Variants in OSBP2 observed in about 807,000 individuals in gnomAD.
The protein encoded by OSBP2 is oxysterol-binding protein 2.
A neutral mutation model predicts 96.0 loss-of-function variants in OSBP2; 66 were observed. The observed-to-expected ratio is 0.69, with a 90% CI of 0.56 to 0.84. The LOEUF (loss-of-function observed/expected upper bound fraction) is 0.84, where lower values mean the gene tolerates loss of function less well. Ranked by LOEUF, OSBP2 falls within the 40% of genes least tolerant of loss-of-function variation. The probability of loss-of-function intolerance (pLI) is 0.00; values close to 1 mark genes in which losing one functional copy is unlikely to be tolerated. For synonymous variants in OSBP2, 525 were observed against 520.9 expected, an observed-to-expected ratio of 1.01 and a Z score of -0.11; for missense variants, 1,038 against 1,222.7, an observed-to-expected ratio of 0.85 and a Z score of 2.25.
In OSBP2 at chr22:30,747,014, A is replaced by G. The variant is rs1028546884; in HGVS notation, c.853+5645A>G. On this transcript the variant is annotated intron_variant, in intron 2 of 13. Transcript: ENST00000332585. ...CCAGGAGTGGAAGGGTAGTTCAACA[A>G]CAACCAAAAAACAAACAATGTAGTA... 3.3e-5 allele frequency among the ~76,000 whole-genome samples: 5 copies of G among 152,356 alleles called. No homozygotes were observed. In the South Asian group the frequency reaches 1.0e-3, roughly 32 times the overall value.
intron 2 of OSBP2, among the ~76,000 whole-genome samples, chr22:30,783,302 CTTTTTTTTTTTT>C (rs35470453): frequency 1.4e-4 from 5 of 34,708 alleles, no homozygotes; most frequent in East Asian, 1.6e-3. Flanking sequence ...ATTCAGAGAG[CTTTTTTTTTTTT>C]TTTTTTTTTT....
intron 12 of OSBP2, among the ~76,000 whole-genome samples, chr22:30,900,581 A>G (rs1209519645): frequency 1.3e-5 from 2 of 152,074 alleles, no homozygotes; most frequent in Non-Finnish European, 2.9e-5. Flanking sequence ...CAGGATTTTT[A>G]TTTTGAAACT....
intron 12 of OSBP2, chr22:30,894,215 GT>G: frequency 1.8e-6 from 1 of 559,826 alleles, no homozygotes; most frequent in Admixed American, 3.2e-5. Flanking sequence ...TTTAAGCGAG[GT>G]GATAGGACAG....
intron 1 of OSBP2, among the ~76,000 whole-genome samples, chr22:30,735,681 A>T (rs989384558): frequency 6.6e-6 from 1 of 151,628 alleles, no homozygotes; most frequent in Non-Finnish European, 1.5e-5. Flanking sequence ...AATACTTTTC[A>T]TATTATTATG....
chr22:30,874,786 C>T (rs1020619654), intron 3 of OSBP2, among the ~76,000 whole-genome samples: 11 of 152,242 alleles, frequency 7.2e-5, no homozygotes, highest in Admixed American at 3.3e-4. Flanking sequence ...CCCTTCCTCA[C>T]CCTTCAGGTA....
chr22:30,792,833 T>C (rs2090695853), intron 2 of OSBP2, among the ~76,000 whole-genome samples: 1 of 152,154 alleles, frequency 6.6e-6, no homozygotes, highest in Admixed American at 6.5e-5. Context: ...AGCCTAACAC[T>C]GGGGAGGTGG....
intron 1 of OSBP2, among the ~76,000 whole-genome samples, chr22:30,724,447 C>G (rs1389422361): frequency 2.6e-5 from 4 of 152,176 alleles, no homozygotes; most frequent in Non-Finnish European, 5.9e-5. Flanking sequence ...TCTCCAACTC[C>G]TGACCTTAGG....
At chr22:30,876,691 G>A (rs1028260912) in intron 3 of OSBP2, among the ~76,000 whole-genome samples, 2 of 152,150 alleles carry the variant, frequency 1.3e-5, no homozygotes, top group Admixed American at 6.5e-5. Flanking sequence ...CCTGCCAGTG[G>A]GGAGCCAGGA....
chr22:30,755,631 C>T (rs2090131010), intron 2 of OSBP2, among the ~76,000 whole-genome samples: 1 of 152,126 alleles, frequency 6.6e-6, no homozygotes, highest in Admixed American at 6.5e-5. Flanking sequence ...GTTGAGTCAA[C>T]CAGGGCTGGC....
chr22:30,729,640 A>AATAT (rs111442392), intron 1 of OSBP2, among the ~76,000 whole-genome samples: 1 of 151,250 alleles, frequency 6.6e-6, no homozygotes, highest in Non-Finnish European at 1.5e-5. Flanking sequence ...TCTATCTCAA[A>AATAT]ATATATATAT....
At chr22:30,894,087 G>A (rs1248769169) in intron 12 of OSBP2, 86 bp downstream of exon 12, 8 of 1,229,082 alleles carry the variant, frequency 6.5e-6, no homozygotes, top group Non-Finnish European at 9.1e-6. Context: ...GGCACAGGAG[G>A]TCGGGAGGGT....
At chr22:30,714,742 G>A (rs927331323) in intron 1 of OSBP2, among the ~76,000 whole-genome samples, 4 of 151,954 alleles carry the variant, frequency 2.6e-5, no homozygotes, top group Admixed American at 6.6e-5. Flanking sequence ...TCAGCCTCCC[G>A]AGTAGCTGGG....
intron 2 of OSBP2, among the ~76,000 whole-genome samples, chr22:30,771,865 C>G (rs1200305858): frequency 6.6e-6 from 1 of 152,236 alleles, no homozygotes; most frequent in Non-Finnish European, 1.5e-5. Flanking sequence ...CATGATCTCC[C>G]TGCTCTCCAC....
intron 2 of OSBP2, among the ~76,000 whole-genome samples, chr22:30,791,502 T>G (rs999899941): frequency 1.3e-5 from 2 of 151,182 alleles, no homozygotes; most frequent in African/African-American, 4.9e-5. Context: ...AATTTTTGTG[T>G]TTTTAGTAGA....
chr22:30,888,127 C>T, intron 4 of OSBP2, 96 bp from the exon 5 acceptor site: 2 of 807,234 alleles, frequency 2.5e-6, no homozygotes, highest in South Asian at 3.0e-5. Context: ...GGAGTGAGGC[C>T]AGATGGGGGT....
chr22:30,807,914 T>C (rs1418286443), intron 2 of OSBP2, among the ~76,000 whole-genome samples: 2 of 152,030 alleles, frequency 1.3e-5, no homozygotes, highest in African/African-American at 2.4e-5. Flanking sequence ...GCCTCCTGAG[T>C]AGCTGGGACT....
intron 1 of OSBP2, among the ~76,000 whole-genome samples, chr22:30,717,090 T>TTTTTGTGTGTGTG (rs71328866): frequency 1.0e-4 from 12 of 118,320 alleles, no homozygotes; most frequent in African/African-American, 3.8e-4. Context: ...TTTACTGTTT[T>TTTTTGTGTGTGTG]TGTGTGTGTG....
chr22:30,742,371 G>T (rs1477057616), intron 2 of OSBP2, among the ~76,000 whole-genome samples: 1 of 151,494 alleles, frequency 6.6e-6, no homozygotes, highest in Non-Finnish European at 1.5e-5. Flanking sequence ...GGCGGAGGTT[G>T]CAGTGAGCCA....
In OSBP2 at chr22:30,905,915, C is replaced by G. The variant is rs756119569; in HGVS notation, c.2454C>G (p.Thr818=). 1 of 1,612,900 alleles carries G rather than the reference C, an allele frequency of 6.2e-7. No homozygotes were observed. The highest frequency in any genetic ancestry group is 1.1e-5 in the South Asian group (1 of 91,064). ...AGCACGAGGAGGGCGTAGCGCCAACCGACAGCCGCCTGCGGCCCGACCAGC... is the reference window on the plus strand; with the variant it reads ...AGCACGAGGAGGGCGTAGCGCCAACGGACAGCCGCCTGCGGCCCGACCAGC... The part of the protein sequence containing the change: ...LNEHEEGVAP[T]DSRLRPDQRL... Residue 818 remains threonine, a synonymous_variant, in exon 13 of 14, where the codon ACC becomes ACG. Transcript: ENST00000332585.
Sources: allele counts gnomAD v4.1 joint callset (sites outside exome capture counted in the v4.1 genomes callset), GRCh38; gene constraint gnomAD v4.1.1; transcripts MANE v1.5; gene names NCBI Gene and HGNC (gene_info 2026-07-23, HGNC 2026-07-21).